Variants in GRM7 observed in about 807,000 individuals in gnomAD.
GRM7 encodes metabotropic glutamate receptor 7.
In GRM7, 35 loss-of-function variants were observed where a neutral mutation model predicts 84.5. That is an observed-to-expected ratio of 0.41 (90% CI 0.32 to 0.55). The LOEUF (loss-of-function observed/expected upper bound fraction) is 0.55. Among genes scored for constraint, GRM7 ranks in the 20% least tolerant of loss-of-function variants. The pLI is 0.19. For synonymous variants in GRM7, 487 were observed against 455.1 expected (o/e 1.07, Z -0.89); for missense variants, 1,003 against 1,194.6 (o/e 0.84, Z 2.36).
chr3:7,280,562 T>C (rs988322816), intron 2 of GRM7, among the ~76,000 whole-genome samples: 2 of 152,184 alleles, frequency 1.3e-5, no homozygotes, highest in African/African-American at 4.8e-5. Flanking sequence ...GAAATCACAG[T>C]GCTACCTATT....
chr3:7,088,259 C>G (rs1698532448), intron 1 of GRM7, among the ~76,000 whole-genome samples: 1 of 152,180 alleles, frequency 6.6e-6, no homozygotes, highest in Non-Finnish European at 1.5e-5. Context: ...GTCAGTCCTT[C>G]CTTTCCTCAT....
intron 2 of GRM7, among the ~76,000 whole-genome samples, chr3:7,224,954 C>T (rs1696934569): frequency 6.6e-6 from 1 of 152,102 alleles, no homozygotes. Context: ...TGTGTATTCT[C>T]ATATTTTTGA....
chr3:7,550,143 G>A (rs1469185681), intron 7 of GRM7, among the ~76,000 whole-genome samples: 5 of 150,972 alleles, frequency 3.3e-5, no homozygotes, highest in African/African-American at 9.8e-5. Context: ...GTCCATGTAA[G>A]TGCAGAGAGC....
chr3:7,526,455 A>G (rs1462903614), intron 7 of GRM7, among the ~76,000 whole-genome samples: 1 of 152,092 alleles, frequency 6.6e-6, no homozygotes. Flanking sequence ...ATAGTTTACA[A>G]ATACTTTCTC....
At chr3:7,055,342 T>G (rs542357433) in intron 1 of GRM7, among the ~76,000 whole-genome samples, 1 of 152,002 alleles carries the variant, frequency 6.6e-6, no homozygotes, top group South Asian at 2.1e-4. Flanking sequence ...TGCTGCAACA[T>G]CCTTCTTCAA....
chr3:7,571,408 C>T (rs920991244), intron 7 of GRM7, among the ~76,000 whole-genome samples: 6 of 152,228 alleles, frequency 3.9e-5, no homozygotes, highest in African/African-American at 1.4e-4. Flanking sequence ...GCCAGATACC[C>T]TAAATCATCT....
At chr3:7,455,856 A>T (rs1697986855) in intron 6 of GRM7, among the ~76,000 whole-genome samples, 1 of 152,118 alleles carries the variant, frequency 6.6e-6, no homozygotes, top group African/African-American at 2.4e-5. Flanking sequence ...ATATAGTATG[A>T]TTTTAAAAAA....
At chr3:6,876,148 A>T (rs925367202) in intron 1 of GRM7, among the ~76,000 whole-genome samples, 5 of 152,040 alleles carry the variant, frequency 3.3e-5, no homozygotes, top group African/African-American at 1.2e-4. Context: ...GGTACCTGCG[A>T]TCCCAGTTAC....
chr3:7,276,607 T>A (rs901703019), intron 2 of GRM7, among the ~76,000 whole-genome samples: 2 of 151,872 alleles, frequency 1.3e-5, no homozygotes. Context: ...ACTTTTAAAA[T>A]CCTAATTGTG....
At chr3:7,324,255 T>A (rs924147909) in intron 4 of GRM7, among the ~76,000 whole-genome samples, 1 of 152,178 alleles carries the variant, frequency 6.6e-6, no homozygotes, top group Admixed American at 6.5e-5. Context: ...CCTTGAAAAA[T>A]CTAGTTACTC....
At chr3:7,047,570 A>C (rs1696848187) in intron 1 of GRM7, among the ~76,000 whole-genome samples, 1 of 152,072 alleles carries the variant, frequency 6.6e-6, no homozygotes, top group Non-Finnish European at 1.5e-5. Flanking sequence ...AGTTCCAGCC[A>C]GTACTATTTT....
intron 1 of GRM7, among the ~76,000 whole-genome samples, chr3:6,989,301 C>A (rs1415687331): frequency 6.6e-6 from 1 of 152,110 alleles, no homozygotes; most frequent in Non-Finnish European, 1.5e-5. Context: ...TAGGAAAACA[C>A]AGATCAACAA....
chr3:6,984,250 T>C (rs1164103759), intron 1 of GRM7, among the ~76,000 whole-genome samples: 1 of 152,174 alleles, frequency 6.6e-6, no homozygotes, highest in Admixed American at 6.5e-5. Flanking sequence ...ATGAGTTCAA[T>C]GAATGTTGTA....
At chr3:7,562,505 G>C (rs1694074067) in intron 7 of GRM7, among the ~76,000 whole-genome samples, 1 of 151,936 alleles carries the variant, frequency 6.6e-6, no homozygotes, top group South Asian at 2.1e-4. Context: ...CCAGAATTGA[G>C]AGCGTTTGCA....
intron 7 of GRM7, among the ~76,000 whole-genome samples, chr3:7,503,030 T>C (rs1002982166): frequency 3.3e-5 from 5 of 152,102 alleles, no homozygotes; most frequent in African/African-American, 1.2e-4. Flanking sequence ...ATACATGTAA[T>C]TTGCTCTATG....
intron 4 of GRM7, among the ~76,000 whole-genome samples, chr3:7,326,758 C>G (rs563104245): frequency 1.3e-5 from 2 of 150,736 alleles, no homozygotes; most frequent in Non-Finnish European, 2.9e-5. Flanking sequence ...TGCTTGAACC[C>G]GGGAGGTGGA....
chr3:7,060,887 A>T (rs1697414186), intron 1 of GRM7, among the ~76,000 whole-genome samples: 1 of 151,752 alleles, frequency 6.6e-6, no homozygotes, highest in South Asian at 2.1e-4. Flanking sequence ...TATCTCTCAA[A>T]CAATTTTCCT....
intron 1 of GRM7, among the ~76,000 whole-genome samples, chr3:7,006,215 G>A (rs901404983): frequency 2.0e-5 from 3 of 152,110 alleles, no homozygotes; most frequent in Non-Finnish European, 4.4e-5. Flanking sequence ...TTATATCATA[G>A]CCTTATCATT....
chr3:7,581,190 A>G (rs1039166866), intron 8 of GRM7, among the ~76,000 whole-genome samples: 2 of 152,148 alleles, frequency 1.3e-5, no homozygotes, highest in Non-Finnish European at 1.5e-5. Flanking sequence ...GATCTTTTCA[A>G]TAAGGTCACA....
Sources: gnomAD v4.1 joint callset for allele counts (sites outside exome capture counted in the v4.1 genomes callset) on GRCh38, gnomAD v4.1.1 for gene constraint, MANE v1.5 for transcripts, NCBI Gene and HGNC (gene_info 2026-07-23, HGNC 2026-07-21) for gene names.